The following LRP1B variants were observed in gnomAD, a reference collection of about 807,000 sequenced individuals.
The protein encoded by LRP1B is low-density lipoprotein receptor-related protein 1B.
A neutral mutation model predicts 556.6 loss-of-function variants in LRP1B; 217 were observed. That is an observed-to-expected ratio of 0.39 (90% confidence interval 0.35 to 0.44). The LOEUF (loss-of-function observed/expected upper bound fraction) is 0.44. LRP1B is among the 20% of genes least tolerant of loss of function. The pLI, the probability that LRP1B is intolerant of heterozygous loss-of-function variation, is 1.00. For missense variants in LRP1B, 5,053 were observed against 5,620.8 expected, an observed-to-expected ratio of 0.90 and a Z score of 3.23; for synonymous variants, 2,047 against 1,865.8, an observed-to-expected ratio of 1.10 and a Z score of -2.50.
chr2:140,469,796 A>G (rs1269031438), intron 60 of LRP1B, among the ~76,000 whole-genome samples: 2 of 152,212 alleles, frequency 1.3e-5, no homozygotes, highest in African/African-American at 4.8e-5. Context: ...GAAAACTGGA[A>G]AGAAAGCAGT....
At chr2:141,550,782 TC>T (rs1303059070) in intron 2 of LRP1B, among the ~76,000 whole-genome samples, 12 of 152,222 alleles carry the variant, frequency 7.9e-5, no homozygotes, top group Non-Finnish European at 1.8e-4. Context: ...CAATCTACCT[TC>T]CCCAATGTTT....
intron 1 of LRP1B, among the ~76,000 whole-genome samples, chr2:142,041,493 G>A (rs1305579840): frequency 1.3e-5 from 2 of 151,378 alleles, no homozygotes; most frequent in Admixed American, 6.6e-5. Flanking sequence ...TTTGAAAACC[G>A]TATTTATGAA....
chr2:141,329,680 A>C lies in LRP1B; in HGVS notation c.344-75039T>G, dbSNP rs562005577. On this transcript the variant is annotated intron_variant, in intron 3 of 90. Coordinates refer to ENST00000389484, the MANE Select transcript of LRP1B (RefSeq NM_018557.3). ...AAAAAAAAAAACTATCTCTCTCTCT[A>C]TCTATCTGTTCGAGGCTTAGGGTAA... 2.7e-3 allele frequency among the ~76,000 whole-genome samples: 392 copies of C among 142,928 alleles called. 2 individuals carry two copies. The highest frequency in any genetic ancestry group is 9.1e-3 in the African/African-American group (353 of 38,792). 93.8% of individuals were successfully genotyped at this position (142,928 alleles called of 152,430 possible).
chr2:141,863,890 T>A (rs1239226255), intron 1 of LRP1B, among the ~76,000 whole-genome samples: 1 of 152,150 alleles, frequency 6.6e-6, no homozygotes. Context: ...AATGAACTTA[T>A]AAGACAGGAA....
At chr2:140,420,999 T>C (rs888209101) in intron 66 of LRP1B, among the ~76,000 whole-genome samples, 1 of 152,152 alleles carries the variant, frequency 6.6e-6, no homozygotes, top group Non-Finnish European at 1.5e-5. Context: ...CTCACACCTG[T>C]AATATCAGCA....
chr2:141,430,088 A>G (rs1184441697), intron 3 of LRP1B, among the ~76,000 whole-genome samples: 1 of 152,164 alleles, frequency 6.6e-6, no homozygotes, highest in Admixed American at 6.5e-5. Flanking sequence ...TAACTAGCCT[A>G]AAAAGTAAAT....
At chr2:141,723,543 G>A (rs887024324) in intron 2 of LRP1B, among the ~76,000 whole-genome samples, 1 of 151,622 alleles carries the variant, frequency 6.6e-6, no homozygotes, top group African/African-American at 2.4e-5. Context: ...TTATTCATAA[G>A]CATCAGAGAA....
intron 2 of LRP1B, among the ~76,000 whole-genome samples, chr2:141,577,826 TAGTC>T (rs758459301): frequency 2.0e-5 from 3 of 152,228 alleles, no homozygotes; most frequent in East Asian, 1.9e-4. Flanking sequence ...AGTTGTTTCT[TAGTC>T]AGTCTTCATA....
intron 2 of LRP1B, among the ~76,000 whole-genome samples, chr2:141,576,011 C>A (rs186449484): frequency 1.3e-5 from 2 of 152,222 alleles, no homozygotes; most frequent in Admixed American, 1.3e-4. Flanking sequence ...TTCGTTCAAC[C>A]ATTGTGGAAG....
At chr2:140,991,391 C>G (rs1193244456) in intron 16 of LRP1B, among the ~76,000 whole-genome samples, 3 of 151,994 alleles carry the variant, frequency 2.0e-5, no homozygotes, top group Non-Finnish European at 4.4e-5. Flanking sequence ...CTGAAATTAC[C>G]TATGTAGTAT....
At chr2:141,832,903 A>G (rs888168873) in intron 1 of LRP1B, among the ~76,000 whole-genome samples, 1 of 151,836 alleles carries the variant, frequency 6.6e-6, no homozygotes, top group Non-Finnish European at 1.5e-5. Context: ...CTACTCACAG[A>G]ACAAAATACC....
At chr2:141,107,441 A>T (rs537843936) in intron 7 of LRP1B, among the ~76,000 whole-genome samples, 1 of 152,214 alleles carries the variant, frequency 6.6e-6, no homozygotes, top group East Asian at 1.9e-4. Context: ...AGGTCAAGAG[A>T]TCAAGACCAT....
At chr2:141,236,654 A>C (rs1422310513) in intron 5 of LRP1B, among the ~76,000 whole-genome samples, 1 of 152,232 alleles carries the variant, frequency 6.6e-6, no homozygotes, top group Non-Finnish European at 1.5e-5. Flanking sequence ...AATTCATGTC[A>C]GAAGTATAAT....
At chr2:140,319,743 C>T (rs117098193) in intron 82 of LRP1B, among the ~76,000 whole-genome samples, 8 of 152,074 alleles carry the variant, frequency 5.3e-5, no homozygotes, top group East Asian at 1.9e-4. Context: ...CTTTTGAGAA[C>T]GTGGTACTAA....
At chr2:140,964,982 G>A (rs770746954) in intron 18 of LRP1B, among the ~76,000 whole-genome samples, 22 of 152,126 alleles carry the variant, frequency 1.4e-4, no homozygotes, top group Non-Finnish European at 2.5e-4. Flanking sequence ...AAGCAACTGA[G>A]GTTTGGAGGG....
chr2:142,102,558 A>T (rs902008651), intron 1 of LRP1B, among the ~76,000 whole-genome samples: 13 of 127,040 alleles, frequency 1.0e-4, no homozygotes, highest in East Asian at 3.2e-4. Flanking sequence ...TAAAATAAAA[A>T]AATAAAAAAG....
At position 140,345,859 on chromosome 2, in the gene LRP1B, C is replaced by CAT. The variant is rs1291863840; in HGVS notation, c.11892+4937_11892+4938insAT. 5.8e-4 allele frequency among the ~76,000 whole-genome samples: 77 copies of CAT among 132,046 alleles called. 2 individuals carry two copies. The highest frequency in any genetic ancestry group is 2.0e-3 in the African/African-American group (69 of 34,772). 86.6% of individuals were successfully genotyped at this position (132,046 alleles called of 152,430 possible). ...ATATACACATACACACACACACACA[C>CAT]ACATATATATATATATATAAAAAAA... On this transcript the variant is annotated intron_variant, in intron 77 of 90. Transcript: ENST00000389484.
intron 1 of LRP1B, among the ~76,000 whole-genome samples, chr2:141,860,278 A>T (rs555374827): frequency 6.6e-6 from 1 of 152,310 alleles, no homozygotes; most frequent in South Asian, 2.1e-4. Flanking sequence ...AGAAGTTAGC[A>T]ATTTCTTCAG....
chr2:141,533,185 C>T (rs576237975), intron 2 of LRP1B, among the ~76,000 whole-genome samples: 6 of 152,218 alleles, frequency 3.9e-5, no homozygotes, highest in African/African-American at 1.2e-4. Context: ...AGCTTAATAA[C>T]TGGCTAACAC....
Sources: allele counts gnomAD v4.1 joint callset (sites outside exome capture counted in the v4.1 genomes callset), GRCh38; gene constraint gnomAD v4.1.1; transcripts MANE v1.5; gene names NCBI Gene and HGNC (gene_info 2026-07-23, HGNC 2026-07-21).